MYT1: variants seen among roughly 807,000 people sequenced by gnomAD.
MYT1 encodes myelin transcription factor I.
A neutral mutation model predicts 123.0 loss-of-function variants in MYT1; 23 were observed. The observed-to-expected ratio is 0.19, with a 90% confidence interval of 0.13 to 0.26. MYT1 has a LOEUF of 0.26. Among genes scored for constraint, MYT1 ranks in the 10% least tolerant of loss-of-function variants. The pLI is 1.00. For synonymous variants in MYT1, 518 were observed against 575.3 expected (o/e 0.90, Z 1.43); for missense variants, 1,125 against 1,472.5 (o/e 0.76, Z 3.86).
Position 64,213,789 on chromosome 20 carries a change from G to A in MYT1, c.1631+142G>A. 1 of 713,470 alleles carries A rather than the reference G, an allele frequency of 1.4e-6. No homozygotes were observed. The highest frequency in any genetic ancestry group is 2.4e-6 in the Non-Finnish European group (1 of 424,650). The allele number at this position is 713,470 out of a possible 1,614,324, so 44.2% of individuals were successfully genotyped here. On this transcript the variant is annotated intron_variant, in intron 10 of 22. Transcript: ENST00000328439. This position sits in a 1 kb window ranked among gnomAD's most constrained non-coding sequence, Gnocchi z 5.6. ...TGCATGTGAGTGTACGTGCATGTGAGTGTGCACATGCCCCGGGCCCCCCAG... is the reference window on the plus strand; with the variant it reads ...TGCATGTGAGTGTACGTGCATGTGAATGTGCACATGCCCCGGGCCCCCCAG...
Position 64,239,914 on chromosome 20 carries a change from C to T in MYT1, c.3237+11C>T, listed in dbSNP as rs776044547. 1.2e-5 allele frequency: 20 copies of T among 1,610,504 alleles called. No individual in the cohort carries two copies. The East Asian group carries it at 1.3e-4, about 11-fold the overall frequency. On this transcript the variant is annotated intron_variant, in intron 22 of 22. Coordinates refer to ENST00000328439, the MANE Select transcript of MYT1 (RefSeq NM_004535.3). ...CGCCTTCCGCACATGGTAGGCAGCA[C>T]GCGGGCCTGCCGGCACCACAGCTAC...
chr20:64,225,352 C>T (rs759768479), intron 16 of MYT1, among the ~76,000 whole-genome samples: 1 of 152,224 alleles, frequency 6.6e-6, no homozygotes, highest in Admixed American at 6.5e-5. Context: ...CTGTCCGCAC[C>T]TGGCTGCAGC....
At position 64,166,718 on chromosome 20, in the gene MYT1, CT is replaced by C. The variant is rs1982093775; in HGVS notation, c.-99+1980del. On this transcript the variant is annotated intron_variant, in intron 1 of 22. Coordinates refer to ENST00000328439, the MANE Select transcript of MYT1 (RefSeq NM_004535.3). This position sits in a 1 kb window ranked among gnomAD's most constrained non-coding sequence, Gnocchi z 4.9. ...TGGTCACCTACTCCCTTGAATGCCC[CT>C]GGTGCATGAGTGGGGAAACACTCTC... is the stretch of plus-strand genomic sequence containing the variant. 6.6e-6 allele frequency among the ~76,000 whole-genome samples: 1 copy of C among 152,226 alleles called. No individual in the cohort carries two copies. Among genetic ancestry groups the C allele is most frequent in the South Asian group, 2.1e-4 (1 of 4,832 alleles).
At chr20:64,237,549 C>A (rs966850420) in intron 21 of MYT1, among the ~76,000 whole-genome samples, 159 bp downstream of exon 21, 1 of 152,252 alleles carries the variant, frequency 6.6e-6, no homozygotes, top group Admixed American at 6.5e-5. Flanking sequence ...TTAGGACGTG[C>A]TGGCCGCTCA....
intron 10 of MYT1, among the ~76,000 whole-genome samples, chr20:64,215,443 A>G (rs1019431996): frequency 6.6e-6 from 1 of 152,150 alleles, no homozygotes; most frequent in African/African-American, 2.4e-5. Context: ...TATCCAGCCC[A>G]CATTTCTGGC....
intron 15 of MYT1, 40 bp from the exon 16 acceptor site, chr20:64,223,251 C>T (rs766189334): frequency 6.2e-7 from 1 of 1,613,790 alleles, no homozygotes; most frequent in African/African-American, 1.3e-5. Context: ...TCTGCTCTCC[C>T]TCTTTGGCTT....
At chr20:64,233,425 TCCCCTCCCCCCTCAC>T (rs2145733582) in intron 19 of MYT1, among the ~76,000 whole-genome samples, 1 of 354 alleles carries the variant, frequency 2.8e-3, no homozygotes, top group African/African-American at 0.011. Context: ...TCCTCTCCCC[TCCCCTCCCCCCTCAC>T]CTTCCCCTTC....
chr20:64,169,555 A>G (rs938605254), intron 1 of MYT1, among the ~76,000 whole-genome samples: 1 of 152,188 alleles, frequency 6.6e-6, no homozygotes, highest in Admixed American at 6.5e-5. Flanking sequence ...CTGCCGTCCC[A>G]GGGAGCCCGG....
At chr20:64,165,617 T>C (rs1982057782) in intron 1 of MYT1, among the ~76,000 whole-genome samples, 1 of 152,184 alleles carries the variant, frequency 6.6e-6, no homozygotes. Flanking sequence ...AGGGCTTTGC[T>C]TGTCTCAGCA....
At chr20:64,211,003 A>G (rs182963816) in intron 7 of MYT1, among the ~76,000 whole-genome samples, 1 of 152,232 alleles carries the variant, frequency 6.6e-6, no homozygotes, top group Non-Finnish European at 1.5e-5. Context: ...GGGCAGCCTC[A>G]GGGCTTCCGC....
chr20:64,210,384 G>A (rs1309707655), intron 7 of MYT1, among the ~76,000 whole-genome samples: 3 of 152,252 alleles, frequency 2.0e-5, no homozygotes, highest in African/African-American at 4.8e-5. Context: ...GACAGAGGCC[G>A]TGGGACAGGG....
rs1263849458 is a variant in MYT1 at position 64,209,405 on chromosome 20, G to A, written c.1291+918G>A. Among the ~76,000 whole-genome samples, 3 of 152,302 alleles carry A rather than the reference G, an allele frequency of 2.0e-5. No homozygotes were observed. The East Asian group carries it at 5.8e-4, about 29-fold the overall frequency. On this transcript the variant is annotated intron_variant, in intron 7 of 22. Transcript: ENST00000328439. ...TGACCCAGCCGGCCTGGTGCGGAGG[G>A]CCTCCTGCACCTGGGCACTTGGCCT...
chr20:64,198,768 T>C, intron 2 of MYT1, 94 bp from the exon 3 acceptor site: 1 of 1,400,984 alleles, frequency 7.1e-7, no homozygotes, highest in Non-Finnish European at 1.0e-6. Context: ...CTGTCAAAGC[T>C]TGAGCCAGAA....
chr20:64,205,821 C>T (rs1983475798), intron 6 of MYT1, 21 bp downstream of exon 6: 2 of 1,610,740 alleles, frequency 1.2e-6, no homozygotes, highest in African/African-American at 1.3e-5. Flanking sequence ...GCTCTTTCTT[C>T]CCCGAATAAA....
At position 64,186,944 on chromosome 20, in the gene MYT1, A is replaced by C. The variant is rs1438268749; in HGVS notation, c.-98-3119A>C. Among the ~76,000 whole-genome samples the C allele has an allele frequency of 5.4e-4, 51 of 93,910 alleles. No homozygotes were observed. The highest frequency in any genetic ancestry group is 9.7e-4 in the East Asian group (3 of 3,086). 61.6% of individuals were successfully genotyped at this position (93,910 alleles called of 152,430 possible). On this transcript the variant is annotated intron_variant, in intron 1 of 22. Coordinates refer to ENST00000328439, the MANE Select transcript of MYT1 (RefSeq NM_004535.3). The surrounding 1 kb of genome is among the most constrained non-coding windows in gnomAD (Gnocchi z 4.3). ...TTTCCGTGGAGAGTTTTCCTGTAGC[A>C]CGTGGCTCCGGCATCCACGTTTCCG...
At position 64,218,476 on chromosome 20, in the gene MYT1, C is replaced by T. The variant is rs374655742; in HGVS notation, c.1847-435C>T. On this transcript the variant is annotated intron_variant, in intron 11 of 22. Coordinates refer to ENST00000328439, the MANE Select transcript of MYT1 (RefSeq NM_004535.3). This position sits in a 1 kb window ranked among gnomAD's most constrained non-coding sequence, Gnocchi z 4.0. ...ATGGGACAAAATTTTCCTATTTGGG[C>T]GATATGGCAAACACTCATCCTATTC... Among the ~76,000 whole-genome samples, 13 of 152,260 alleles carry T rather than the reference C, an allele frequency of 8.5e-5. No homozygotes were observed. The highest frequency in any genetic ancestry group is 1.9e-4 in the East Asian group (1 of 5,184).
intron 1 of MYT1, among the ~76,000 whole-genome samples, chr20:64,178,502 C>G (rs952517749): frequency 6.6e-6 from 1 of 151,936 alleles, no homozygotes; most frequent in Non-Finnish European, 1.5e-5. Flanking sequence ...TACCCTTCAA[C>G]GTGGGAGCAC....
Position 64,212,288 on chromosome 20 carries a change from T to A in MYT1, c.1517+150T>A. ...GGGGCTCCACGTGGGGTAGGGCACC[T>A]GGGTTGGGCCTGTGTGTCCCTGCCT... On this transcript the variant is annotated intron_variant, in intron 9 of 22. Coordinates refer to ENST00000328439, the MANE Select transcript of MYT1 (RefSeq NM_004535.3). This position sits in a 1 kb window ranked among gnomAD's most constrained non-coding sequence, Gnocchi z 6.8. The A allele has an allele frequency of 1.2e-6, 1 of 815,934 alleles. No homozygotes were observed. The highest frequency in any genetic ancestry group is 1.9e-6 in the Non-Finnish European group (1 of 516,930). The allele number at this position is 815,934 out of a possible 1,614,324, so 50.5% of individuals were successfully genotyped here.
chr20:64,232,527 G>A lies in MYT1; in HGVS notation c.2897+142G>A. ...TCAAGGGAAAGGCCAGGCCACATGGGTAGCGGATGGGGGAGGCTAGCGGGT... is the reference window on the plus strand; with the variant it reads ...TCAAGGGAAAGGCCAGGCCACATGGATAGCGGATGGGGGAGGCTAGCGGGT... On this transcript the variant is annotated intron_variant, in intron 19 of 22. Coordinates refer to ENST00000328439, the MANE Select transcript of MYT1 (RefSeq NM_004535.3). This position sits in a 1 kb window ranked among gnomAD's most constrained non-coding sequence, Gnocchi z 6.9. The A allele has an allele frequency of 2.6e-6, 2 of 775,334 alleles. No individual in the cohort carries two copies. The allele number at this position is 775,334 out of a possible 1,614,324, so 48.0% of individuals were successfully genotyped here.
Sources: gnomAD v4.1 joint callset for allele counts (sites outside exome capture counted in the v4.1 genomes callset) on GRCh38, gnomAD v4.1.1 for gene constraint, Gnocchi (gnomAD v3.1) non-coding constraint, MANE v1.5 for transcripts, NCBI Gene and HGNC (gene_info 2026-07-23, HGNC 2026-07-21) for gene names.